Variants in NT5E observed in about 807,000 individuals in gnomAD.
The protein encoded by NT5E is 5'-nucleotidase ecto, also known as 5'-nucleotidase.
In NT5E, 53 loss-of-function variants were observed where a neutral mutation model predicts 55.1. That is an observed-to-expected ratio of 0.96 (90% confidence interval 0.77 to 1.21). The LOEUF (loss-of-function observed/expected upper bound fraction) is 1.21, where lower values mean the gene tolerates loss of function less well. NT5E is among the 50% of genes most tolerant of loss of function. NT5E has a pLI of 0.00. For missense variants in NT5E, 683 were observed against 724.3 expected (o/e 0.94, Z 0.65); for synonymous variants, 270 against 278.4 (o/e 0.97, Z 0.30).
intron 5 of NT5E, among the ~76,000 whole-genome samples, chr6:85,488,619 C>T (rs944984454): frequency 2.0e-5 from 3 of 151,994 alleles, no homozygotes; most frequent in Non-Finnish European, 2.9e-5. Flanking sequence ...CTTGCTCTGT[C>T]GCCCAGGCTG....
chr6:85,489,491 C>G lies in NT5E; in HGVS notation c.1105-3C>G. The G allele has an allele frequency of 1.2e-6, 2 of 1,600,772 alleles. No individual in the cohort carries two copies. The highest frequency in any genetic ancestry group is 1.7e-6 in the Non-Finnish European group (2 of 1,168,536). ...CTAGTGTAAATCTGTGCTACTGTTG[C>G]AGATTAACAACAACCTGAGACACAC... is the stretch of plus-strand genomic sequence containing the variant. On this transcript the variant is annotated splice_region_variant and splice_polypyrimidine_tract_variant and intron_variant, in intron 5 of 8. Transcript: ENST00000257770.
intron 1 of NT5E, among the ~76,000 whole-genome samples, chr6:85,455,154 T>C (rs754334518): frequency 1.2e-4 from 18 of 152,200 alleles, no homozygotes; most frequent in Non-Finnish European, 2.6e-4. Flanking sequence ...AAATATTTGG[T>C]CCTTGTCCCC....
intron 1 of NT5E, among the ~76,000 whole-genome samples, chr6:85,461,214 C>T (rs1407352033): frequency 6.6e-6 from 1 of 152,148 alleles, no homozygotes; most frequent in African/African-American, 2.4e-5. Context: ...GTTTTTGGTC[C>T]TTCAGCCCCT....
At chr6:85,456,248 C>T (rs1283257064) in intron 1 of NT5E, among the ~76,000 whole-genome samples, 1 of 152,214 alleles carries the variant, frequency 6.6e-6, no homozygotes, top group East Asian at 1.9e-4. Flanking sequence ...CATCCACTCC[C>T]ATGCCTTGCC....
chr6:85,477,241 C>T (rs771802941), intron 3 of NT5E, among the ~76,000 whole-genome samples: 30 of 152,098 alleles, frequency 2.0e-4, no homozygotes, highest in Non-Finnish European at 2.8e-4. Flanking sequence ...GACTGTGTCG[C>T]GGCTGACACA....
chr6:85,451,552 G>C (rs990254485), intron 1 of NT5E, among the ~76,000 whole-genome samples: 1 of 152,182 alleles, frequency 6.6e-6, no homozygotes. Flanking sequence ...CTGTGTAAAA[G>C]CCTTGAGTAA....
At chr6:85,485,477 T>C (rs1248606388) in intron 4 of NT5E, 45 bp downstream of exon 4, 13 of 1,581,300 alleles carry the variant, frequency 8.2e-6, no homozygotes, top group South Asian at 4.4e-5. Context: ...AAAATTTAGA[T>C]GGCTGGATAT....
At chr6:85,457,289 G>C (rs557637890) in intron 1 of NT5E, among the ~76,000 whole-genome samples, 1 of 152,312 alleles carries the variant, frequency 6.6e-6, no homozygotes, top group Non-Finnish European at 1.5e-5. Context: ...TGGGACGTCA[G>C]AACACCCAGA....
At chr6:85,492,217 A>T (rs550907153) in intron 8 of NT5E, 40 bp downstream of exon 8, 3 of 1,600,572 alleles carry the variant, frequency 1.9e-6, no homozygotes, top group Non-Finnish European at 2.6e-6. Flanking sequence ...AAGAACAACA[A>T]AATTGGGCCA....
intron 1 of NT5E, among the ~76,000 whole-genome samples, chr6:85,456,842 C>T (rs1451062025): frequency 6.6e-6 from 1 of 152,180 alleles, no homozygotes; most frequent in Admixed American, 6.5e-5. Context: ...CTTCCTACCA[C>T]TTAGAATCTG....
At chr6:85,483,011 G>A (rs917828563) in intron 3 of NT5E, among the ~76,000 whole-genome samples, 1 of 152,220 alleles carries the variant, frequency 6.6e-6, no homozygotes, top group Non-Finnish European at 1.5e-5. Context: ...GATCATGAAG[G>A]TCTTTCCAAA....
intron 5 of NT5E, 78 bp downstream of exon 5, chr6:85,487,567 G>A (rs1262900940): frequency 6.4e-7 from 1 of 1,554,102 alleles, no homozygotes; most frequent in East Asian, 2.2e-5. Flanking sequence ...ATGCGAGAAG[G>A]GATAGATCGA....
chr6:85,457,698 A>T (rs1769016414), intron 1 of NT5E, among the ~76,000 whole-genome samples: 1 of 152,078 alleles, frequency 6.6e-6, no homozygotes, highest in Admixed American at 6.6e-5. Context: ...CCCAGTTTTG[A>T]GCCTGAGTCT....
rs1768828502 is a variant in NT5E at position 85,450,327 on chromosome 6, G to C, written c.188G>C (p.Arg63Pro). The C allele has an allele frequency of 6.3e-7, 1 of 1,599,384 alleles. No individual in the cohort carries two copies. Among genetic ancestry groups the C allele is most frequent in the South Asian group, 1.1e-5 (1 of 88,586 alleles). ...AGCCGCTGCATGGGTGGCGTGGCTC[G>C]GCTCTTCACCAAGGTTCAGCAGATC... ...NASRCMGGVA[R>P]LFTKVQQIRR... Residue 63 changes from arginine (R) to proline (P), a missense_variant, in exon 1 of 9, where the codon CGG becomes CCG. Arg to Pro is a moderately radical substitution (Grantham distance 103, BLOSUM62 -2). Coordinates refer to ENST00000257770, the MANE Select transcript of NT5E (RefSeq NM_002526.4). This position sits in a 1 kb window ranked among gnomAD's most constrained non-coding sequence, Gnocchi z 4.0.
Position 85,490,386 on chromosome 6 carries a change from TG to T in NT5E, c.1211-121del. 2.6e-6 allele frequency: 3 copies of T among 1,140,686 alleles called. No individual in the cohort carries two copies. The South Asian group carries it at 3.7e-5, about 14-fold the overall frequency. 70.7% of individuals were successfully genotyped at this position (1,140,686 alleles called of 1,614,324 possible). ...TCAGGAACCACTTAGACATAGCTAATGATGCTCTATAAGCTTCCCATGTCCC... is the reference window on the plus strand; with the variant it reads ...TCAGGAACCACTTAGACATAGCTAATATGCTCTATAAGCTTCCCATGTCCC... On this transcript the variant is annotated intron_variant, in intron 6 of 8. Transcript: ENST00000257770.
At chr6:85,453,216 A>G (rs146300798) in intron 1 of NT5E, among the ~76,000 whole-genome samples, 71 of 152,342 alleles carry the variant, frequency 4.7e-4, no homozygotes, top group African/African-American at 1.6e-3. Context: ...GCATGGAAGC[A>G]CTGACAGTAT....
intron 3 of NT5E, among the ~76,000 whole-genome samples, chr6:85,472,903 T>C (rs1239176504): frequency 6.6e-6 from 1 of 152,128 alleles, no homozygotes; most frequent in Non-Finnish European, 1.5e-5. Flanking sequence ...TGACCAGTAG[T>C]AGGGCTTTTT....
intron 1 of NT5E, among the ~76,000 whole-genome samples, chr6:85,457,670 G>A (rs1040220606): frequency 3.3e-5 from 5 of 152,164 alleles, no homozygotes; most frequent in African/African-American, 1.2e-4. Context: ...ATGGCCTGGG[G>A]AATGGGAAGA....
intron 4 of NT5E, 44 bp downstream of exon 4, chr6:85,485,476 A>G: frequency 1.3e-6 from 2 of 1,581,502 alleles, no homozygotes; most frequent in Non-Finnish European, 1.7e-6. Flanking sequence ...TAAAATTTAG[A>G]TGGCTGGATA....
Sources: gnomAD v4.1 joint callset for allele counts (sites outside exome capture counted in the v4.1 genomes callset) on GRCh38, gnomAD v4.1.1 for gene constraint, Gnocchi (gnomAD v3.1) non-coding constraint, MANE v1.5 for transcripts, NCBI Gene and HGNC (gene_info 2026-07-23, HGNC 2026-07-21) for gene names.